The following R3HDML variants were observed in gnomAD, a reference collection of about 807,000 sequenced individuals.
The protein encoded by R3HDML is R3H domain containing like.
In R3HDML, 21 loss-of-function variants were observed where a neutral mutation model predicts 24.2. The ratio of observed to expected loss-of-function variants is 0.87; its 90% CI spans 0.62 to 1.25. The LOEUF (loss-of-function observed/expected upper bound fraction) is 1.25. Ranked by LOEUF, R3HDML falls within the 50% of genes most tolerant of loss-of-function variation. The pLI, the probability that R3HDML is intolerant of heterozygous loss-of-function variation, is 0.00. For synonymous variants in R3HDML, 133 were observed against 131.5 expected (o/e 1.01, Z -0.08); for missense variants, 301 against 340.3 (o/e 0.88, Z 0.91).
intron 4 of R3HDML, 73 bp downstream of exon 4, chr20:44,345,451 G>T: frequency 2.0e-6 from 2 of 1,000,972 alleles, no homozygotes; most frequent in Non-Finnish European, 3.1e-6. Context: ...AGAAAGATAC[G>T]CTCCATATCC....
At chr20:44,339,062 T>TA (rs750054379) in intron 1 of R3HDML, among the ~76,000 whole-genome samples, 30,587 of 111,316 alleles carry the variant, frequency 0.27, 4,117 homozygotes, top group Middle Eastern at 0.47. Context: ...AAACTCTATC[T>TA]AAAAAAAAAA....
At position 44,339,579 on chromosome 20, in the gene R3HDML, A is replaced by ATATG. The variant is rs1555804233; in HGVS notation, c.262-1616_262-1615insATGT. Among the ~76,000 whole-genome samples, 3 of 147,914 alleles carry ATATG rather than the reference A, an allele frequency of 2.0e-5. No homozygotes were observed. In the Admixed American group the frequency reaches 2.0e-4, roughly 10 times the overall value. Reference sequence around the variant, plus strand: ...AATATGCTGCCATTTGCCTATATATATGTGTGTGTGTGTGTGTGTGTGTGT... The same window carrying ATATG: ...AATATGCTGCCATTTGCCTATATATATATGTGTGTGTGTGTGTGTGTGTGTGTGT... On this transcript the variant is annotated intron_variant, in intron 1 of 4. Transcript: ENST00000217043.
In R3HDML at chr20:44,350,978, C is replaced by A; in HGVS notation, c.*186C>A. 1 of 586,936 alleles carries A rather than the reference C, an allele frequency of 1.7e-6. No individual in the cohort carries two copies. 36.4% of individuals were successfully genotyped at this position (586,936 alleles called of 1,614,324 possible). A position where few individuals can be genotyped will look rare whatever the true frequency, so the allele number is the denominator to read the frequency against. ...GGGTCAAAAGAAAATGACCTCCTTG[C>A]CTTCCTTCTTTCCTAGTTGCATCTT... On this transcript the variant is annotated 3_prime_UTR_variant, in exon 5 of 5. Coordinates refer to ENST00000217043, the MANE Select transcript of R3HDML (RefSeq NM_178491.4).
intron 1 of R3HDML, among the ~76,000 whole-genome samples, chr20:44,340,527 G>C (rs970364307): frequency 6.6e-6 from 1 of 152,192 alleles, no homozygotes; most frequent in Admixed American, 6.5e-5. Flanking sequence ...TCAGCCTCCC[G>C]AAGTGCCCTG....
intron 1 of R3HDML, among the ~76,000 whole-genome samples, chr20:44,339,719 GTGGGGT>G (rs2062767222): frequency 6.6e-6 from 1 of 151,914 alleles, no homozygotes; most frequent in African/African-American, 2.4e-5. Context: ...GTGCAGGGTG[GTGGGGT>G]TGGGGGAGAA....
intron 2 of R3HDML, among the ~76,000 whole-genome samples, chr20:44,342,671 G>T (rs1469397560): frequency 6.6e-6 from 1 of 152,082 alleles, no homozygotes; most frequent in African/African-American, 2.4e-5. Context: ...GCCCTCAGAG[G>T]CCGGGTGCGG....
rs2062761486 is a variant in R3HDML, at chr20:44,337,670, A to G, written c.261+252A>G. On this transcript the variant is annotated intron_variant, in intron 1 of 4. Transcript: ENST00000217043. This position sits in a 1 kb window ranked among gnomAD's most constrained non-coding sequence, Gnocchi z 4.7. ...ATGTGACTACTATGTAAGGAGCACCACTGTGCGCCAGGCACTGCACGTGAG... is the reference window on the plus strand; with the variant it reads ...ATGTGACTACTATGTAAGGAGCACCGCTGTGCGCCAGGCACTGCACGTGAG... Among the ~76,000 whole-genome samples the G allele has an allele frequency of 6.6e-6, 1 of 152,202 alleles. No individual in the cohort carries two copies. The highest frequency in any genetic ancestry group is 1.5e-5 in the Non-Finnish European group (1 of 68,042).
At chr20:44,346,074 C>T (rs540647478) in intron 4 of R3HDML, among the ~76,000 whole-genome samples, 9 of 152,336 alleles carry the variant, frequency 5.9e-5, no homozygotes, top group Admixed American at 5.9e-4. Flanking sequence ...CCCGCATCGG[C>T]CTCCCAAAGT....
At chr20:44,346,616 G>T (rs1257804312) in intron 4 of R3HDML, among the ~76,000 whole-genome samples, 5 of 152,168 alleles carry the variant, frequency 3.3e-5, no homozygotes, top group African/African-American at 1.2e-4. Flanking sequence ...ATAGCCAAAG[G>T]CCCCTTCTTA....
In R3HDML at chr20:44,337,334, TG is replaced by T. The variant is rs753233946; in HGVS notation, c.178del (p.Val60Ter). 1.2e-5 allele frequency: 20 copies of T among 1,614,232 alleles called. No homozygotes were observed. The highest frequency in any genetic ancestry group is 1.7e-5 in the Non-Finnish European group (20 of 1,180,042). ...GGTACCGCCGGAAGCGCCACATCTC[TG>T]TGAGAGACATGAATGCCTTACTGGA... ...PRYRRKRHIS[V>X]RDMNALLDYH... On this transcript the variant is annotated frameshift_variant, in exon 1 of 5. Transcript: ENST00000217043. LOFTEE classifies it high-confidence loss of function. This position sits in a 1 kb window ranked among gnomAD's most constrained non-coding sequence, Gnocchi z 4.7.
chr20:44,350,799 T>C lies in R3HDML; in HGVS notation c.*7T>C. 8 of 1,613,744 alleles carry C rather than the reference T, an allele frequency of 5.0e-6. No homozygotes were observed. The highest frequency in any genetic ancestry group is 6.8e-6 in the Non-Finnish European group (8 of 1,179,834). ...CAAGTTCACGTGGTTCTGAATTTTC[T>C]CTGGGCTTTGGTGCGCCTCCAGCTG... On this transcript the variant is annotated 3_prime_UTR_variant, in exon 5 of 5. Coordinates refer to ENST00000217043, the MANE Select transcript of R3HDML (RefSeq NM_178491.4).
intron 2 of R3HDML, among the ~76,000 whole-genome samples, chr20:44,341,679 G>T (rs918335464): frequency 2.0e-5 from 3 of 152,172 alleles, no homozygotes; most frequent in Non-Finnish European, 4.4e-5. Flanking sequence ...CAGGTCAGTA[G>T]TTCAAGACCA....
intron 3 of R3HDML, among the ~76,000 whole-genome samples, chr20:44,344,042 G>A (rs995794998): frequency 1.3e-5 from 2 of 152,120 alleles, no homozygotes; most frequent in African/African-American, 4.8e-5. Context: ...CAGCACTTTG[G>A]GAGGCCAAGG....
intron 2 of R3HDML, among the ~76,000 whole-genome samples, chr20:44,342,193 T>C (rs1169844011): frequency 6.6e-6 from 1 of 152,228 alleles, no homozygotes; most frequent in African/African-American, 2.4e-5. Flanking sequence ...GTCAGATTTT[T>C]ATTTTGCCAA....
intron 4 of R3HDML, among the ~76,000 whole-genome samples, chr20:44,348,581 A>G (rs2062797872): frequency 6.6e-6 from 1 of 151,022 alleles, no homozygotes; most frequent in South Asian, 2.1e-4. Context: ...CAGCTCTGCA[A>G]CCTCCACGTT....
chr20:44,347,142 AAAC>A (rs929591917), intron 4 of R3HDML, among the ~76,000 whole-genome samples: 2 of 152,156 alleles, frequency 1.3e-5, no homozygotes, highest in Admixed American at 6.6e-5. Flanking sequence ...ACTCCGTCTC[AAAC>A]AACAACAACA....
At chr20:44,340,721 C>T (rs570150087) in intron 1 of R3HDML, among the ~76,000 whole-genome samples, 1 of 152,172 alleles carries the variant, frequency 6.6e-6, no homozygotes, top group Non-Finnish European at 1.5e-5. Flanking sequence ...TCACCACCTC[C>T]CACTGTACCA....
In R3HDML at chr20:44,350,612, T is replaced by A. The variant is rs763385188; in HGVS notation, c.630-48T>A. Reference sequence around the variant, plus strand: ...TGAGATCTGGACATCTGTGTGAAGGTTACTCACCTAATGCTCCTCTGTCTC... The same window carrying A: ...TGAGATCTGGACATCTGTGTGAAGGATACTCACCTAATGCTCCTCTGTCTC... On this transcript the variant is annotated intron_variant, in intron 4 of 4. Coordinates refer to ENST00000217043, the MANE Select transcript of R3HDML (RefSeq NM_178491.4). 16 of 1,583,424 alleles carry A rather than the reference T, an allele frequency of 1.0e-5. No homozygotes were observed. The African/African-American group carries it at 2.2e-4, about 21-fold the overall frequency.
intron 4 of R3HDML, 166 bp from the exon 5 acceptor site, chr20:44,350,494 A>G: frequency 1.8e-6 from 1 of 543,140 alleles, no homozygotes; most frequent in Non-Finnish European, 3.0e-6. Flanking sequence ...AAAACAAAAT[A>G]AATAAATAAA....
Sources: gnomAD v4.1 joint callset for allele counts (sites outside exome capture counted in the v4.1 genomes callset) on GRCh38, gnomAD v4.1.1 for gene constraint, Gnocchi (gnomAD v3.1) non-coding constraint, MANE v1.5 for transcripts, NCBI Gene and HGNC (gene_info 2026-07-23, HGNC 2026-07-21) for gene names.